The following ZNF837 variants were observed in gnomAD, a reference collection of about 807,000 sequenced individuals.
ZNF837 encodes zinc finger protein 837.
For missense variants in ZNF837, 955 were observed against 801.7 expected (o/e 1.19, Z -2.31); for synonymous variants, 475 against 365.2 (o/e 1.30, Z -3.43).
intron 1 of ZNF837, among the ~76,000 whole-genome samples, chr19:58,373,081 C>T (rs915387408): frequency 7.2e-5 from 11 of 152,210 alleles, no homozygotes; most frequent in African/African-American, 2.4e-4. Context: ...CCCTCCTGTC[C>T]CCTCCAGGCC....
At position 58,368,174 on chromosome 19, in the gene ZNF837, C is replaced by A. The variant is rs1251977180; in HGVS notation, c.1159G>T (p.Gly387Cys). Residue 387 changes from glycine to cysteine, a missense_variant, in exon 3 of 3, where the codon GGC becomes TGC. Transcript: ENST00000597582. ...TCGGGGCACGCGTAGGGCTTCTCGC[C>A]GGTGTGCACGCGCCGGTGCTCCACG... The part of the protein sequence containing the change: ...HLVEHRRVHT[G>C]EKPYACPECG... The A allele has an allele frequency of 4.4e-6, 7 of 1,585,382 alleles. No homozygotes were observed. The highest frequency in any genetic ancestry group is 6.0e-6 in the Non-Finnish European group (7 of 1,167,812).
At chr19:58,371,894 T>G (rs924059572) in intron 1 of ZNF837, among the ~76,000 whole-genome samples, 1 of 150,726 alleles carries the variant, frequency 6.6e-6, no homozygotes, top group Non-Finnish European at 1.5e-5. Context: ...GCTAATTTTT[T>G]GTATTTTTAG....
At position 58,368,235 on chromosome 19, in the gene ZNF837, G is replaced by A. The variant is rs752438936; in HGVS notation, c.1098C>T (p.Ala366=). ...ACAGCCCGAAGGCCTTGGCGCAGTC[G>A]GCGCACTCGTACGGCTTCTCCCCGG... ...SGAGEKPYEC[A]DCAKAFGLFS... The change falls in exon 3 of 3, where the codon GCC becomes GCT. Residue 366 remains alanine (A), a synonymous_variant. Coordinates refer to ENST00000597582, the MANE Select transcript of ZNF837 (RefSeq NM_138466.2). 8 of 1,514,008 alleles carry A rather than the reference G, an allele frequency of 5.3e-6. No individual in the cohort carries two copies. Among genetic ancestry groups the A allele is most frequent in the Middle Eastern group, 3.8e-4 (2 of 5,236 alleles). The allele number at this position is 1,514,008 out of a possible 1,614,324, so 93.8% of individuals were successfully genotyped here.
intron 1 of ZNF837, among the ~76,000 whole-genome samples, chr19:58,372,449 C>T (rs187401482): frequency 2.0e-5 from 3 of 152,116 alleles, no homozygotes; most frequent in Admixed American, 6.5e-5. Context: ...GGGCGGATCA[C>T]GAGGTCAAGA....
chr19:58,372,455 C>T (rs991149647), intron 1 of ZNF837, among the ~76,000 whole-genome samples: 4 of 152,094 alleles, frequency 2.6e-5, no homozygotes, highest in Admixed American at 6.5e-5. Context: ...ATCACGAGGT[C>T]AAGAGATCGA....
In ZNF837 at chr19:58,368,499, C is replaced by T; in HGVS notation, c.834G>A (p.Lys278=). The change falls in exon 3 of 3, where the codon AAG becomes AAA. Residue 278 remains lysine (K), a synonymous_variant. Transcript: ENST00000597582. The part of the protein sequence containing the change: ...QRLYACDECG[K]AFTRTSSLLQ... ...GCAGGCTGGAGGTGCGCGTGAAGGC[C>T]TTGCCGCACTCGTCGCAAGCGTACA... 1 of 1,555,060 alleles carries T rather than the reference C, an allele frequency of 6.4e-7. No individual in the cohort carries two copies. The highest frequency in any genetic ancestry group is 8.7e-7 in the Non-Finnish European group (1 of 1,151,646).
In ZNF837 at chr19:58,369,252, C is replaced by T. The variant is rs1444126916; in HGVS notation, c.81G>A (p.Lys27=). 5 of 1,415,262 alleles carry T rather than the reference C, an allele frequency of 3.5e-6. No homozygotes were observed. The highest frequency in any genetic ancestry group is 3.4e-5 in the Admixed American group (1 of 29,656). The allele number at this position is 1,415,262 out of a possible 1,614,324, so 87.7% of individuals were successfully genotyped here. A position where few individuals can be genotyped will look rare whatever the true frequency, so the allele number is the denominator to read the frequency against. ...DAQGASGARE[K]RPEEPRPLEE... ...CGAGGGGCCTCGGCTCCTCGGGCCT[C>T]TTCTCCCGGGCCCCGGAGGCACCCT... Residue 27 remains lysine, a synonymous_variant, in exon 3 of 3, where the codon AAG becomes AAA. Coordinates refer to ENST00000597582, the MANE Select transcript of ZNF837 (RefSeq NM_138466.2).
intron 1 of ZNF837, among the ~76,000 whole-genome samples, chr19:58,373,595 TTAC>T: frequency 6.6e-6 from 1 of 152,342 alleles, no homozygotes; most frequent in South Asian, 2.1e-4. Flanking sequence ...TTGTAGCTTG[TTAC>T]TCTCTTTCTG....
chr19:58,376,588 A>G (rs113033445), intron 1 of ZNF837, among the ~76,000 whole-genome samples: 42,695 of 121,182 alleles, frequency 0.35, 7,470 homozygotes, highest in Middle Eastern at 0.43. Context: ...AAAAAAAAAA[A>G]AAAGAAAGAA....
At chr19:58,376,948 T>TA (rs2052253147) in intron 1 of ZNF837, among the ~76,000 whole-genome samples, 2 of 145,260 alleles carry the variant, frequency 1.4e-5, no homozygotes, top group Admixed American at 1.4e-4. Context: ...CCGGACGTGG[T>TA]GACTCATGCC....
At position 58,369,320 on chromosome 19, in the gene ZNF837, C is replaced by G. The variant is rs1392001043; in HGVS notation, c.13G>C (p.Ala5Pro). 2 of 1,366,238 alleles carry G rather than the reference C, an allele frequency of 1.5e-6. No individual in the cohort carries two copies. The highest frequency in any genetic ancestry group is 3.1e-5 in the African/African-American group (2 of 65,110). The allele number at this position is 1,366,238 out of a possible 1,614,324, so 84.6% of individuals were successfully genotyped here. A position where few individuals can be genotyped will look rare whatever the true frequency, so the allele number is the denominator to read the frequency against. Reference protein sequence around the residue: MEAPAQKAGQGGLPK... With the variant: MEAPPQKAGQGGLPK... The stretch of plus-strand genomic sequence containing the variant: ...AGTCCTCCCTGCCCAGCCTTCTGGG[C>G]TGGAGCCTCCATCCTGGGGCGCAGA... Residue 5 changes from alanine (A) to proline (P), a missense_variant, in exon 3 of 3, where the codon GCC becomes CCC. Ala to Pro is a conservative substitution (Grantham distance 27, BLOSUM62 -1). Transcript: ENST00000597582.
rs958266715 is a variant in ZNF837, at chr19:58,367,969, G to T, written c.1364C>A (p.Thr455Asn). Residue 455 changes from threonine to asparagine, a missense_variant, in exon 3 of 3, where the codon ACC (threonine) becomes AAC (asparagine). Transcript: ENST00000597582. ...GCGCAGCTCGGAGCAGCCGCGGAAG[G>T]TCTTTCCGCACTCGGAGCAGCCATA... ...RPYGCSECGK[T>N]FRGCSELRQH... 19 of 1,532,684 alleles carry T rather than the reference G, an allele frequency of 1.2e-5. No individual in the cohort carries two copies. The Admixed American group carries it at 2.4e-4, about 19-fold the overall frequency. 94.9% of individuals were successfully genotyped at this position (1,532,684 alleles called of 1,614,324 possible).
intron 1 of ZNF837, among the ~76,000 whole-genome samples, chr19:58,371,223 A>G (rs1215768410): frequency 2.7e-5 from 4 of 148,560 alleles, no homozygotes; most frequent in Non-Finnish European, 5.9e-5. Context: ...CCTGGGCGAC[A>G]GAACGAGACT....
intron 1 of ZNF837, among the ~76,000 whole-genome samples, chr19:58,375,479 C>T (rs183532647): frequency 0.017 from 2,482 of 150,286 alleles, 53 homozygotes; most frequent in African/African-American, 0.057. Context: ...ACGGAGTCTC[C>T]CTCTGTCACC....
intron 1 of ZNF837, among the ~76,000 whole-genome samples, chr19:58,374,367 G>A (rs995666794): frequency 3.3e-5 from 5 of 152,232 alleles, no homozygotes; most frequent in African/African-American, 9.6e-5. Context: ...AAAAATGGAT[G>A]AGTACTAACA....
chr19:58,370,697 A>G (rs2052192251), intron 1 of ZNF837, among the ~76,000 whole-genome samples: 1 of 149,846 alleles, frequency 6.7e-6, no homozygotes, highest in Admixed American at 6.7e-5. Context: ...GGAGTTTGAG[A>G]CCAGCCTGAC....
In ZNF837 at chr19:58,368,966, C is replaced by G. The variant is rs1384419893; in HGVS notation, c.367G>C (p.Asp123His). 6.5e-7 allele frequency: 1 copy of G among 1,535,924 alleles called. No individual in the cohort carries two copies. Among genetic ancestry groups the G allele is most frequent in the African/African-American group, 1.4e-5 (1 of 72,728 alleles). ...GPCRSPARGGDCSRNSCLAWH... is the reference protein window; with the variant it reads ...GPCRSPARGGHCSRNSCLAWH... ...GCCAGGCAGGAGTTCCTGCTGCAGTCCCCGCCACGCGCTGGGCTCCTACAG... is the reference window on the plus strand; with the variant it reads ...GCCAGGCAGGAGTTCCTGCTGCAGTGCCCGCCACGCGCTGGGCTCCTACAG... The change falls in exon 3 of 3, where the codon GAC becomes CAC. Residue 123 changes from aspartate to histidine, a missense_variant. Asp to His is a moderately conservative substitution (Grantham distance 81, BLOSUM62 -1). Transcript: ENST00000597582.
intron 1 of ZNF837, among the ~76,000 whole-genome samples, chr19:58,375,542 C>T (rs895552921): frequency 2.0e-5 from 3 of 149,888 alleles, no homozygotes; most frequent in Admixed American, 6.6e-5. Context: ...CTGCCTCCCG[C>T]GTTCAAGCAA....
rs781669407 is a variant in ZNF837 at position 58,368,275 on chromosome 19, C to A, written c.1058G>T (p.Arg353Leu). 15 of 1,482,132 alleles carry A rather than the reference C, an allele frequency of 1.0e-5. No homozygotes were observed. Among genetic ancestry groups the A allele is most frequent in the Non-Finnish European group, 1.3e-5 (15 of 1,122,678 alleles). The allele number at this position is 1,482,132 out of a possible 1,614,324, so 91.8% of individuals were successfully genotyped here. Residue 353 changes from arginine to leucine, a missense_variant, in exon 3 of 3, where the codon CGA becomes CTA. Transcript: ENST00000597582. ...CTTCTCCCCGGCTCCCGACCCCCGTCGGGGACTCCGCTCGCTGTAGTCCCC... is the reference window on the plus strand; with the variant it reads ...CTTCTCCCCGGCTCCCGACCCCCGTAGGGGACTCCGCTCGCTGTAGTCCCC... ...PCGDYSERSP[R>L]RGSGAGEKPY... is the part of the protein sequence containing the mutation.
Sources: gnomAD v4.1 joint callset for allele counts (sites outside exome capture counted in the v4.1 genomes callset) on GRCh38, gnomAD v4.1.1 for gene constraint, MANE v1.5 for transcripts, NCBI Gene and HGNC (gene_info 2026-07-23, HGNC 2026-07-21) for gene names.